LHCGR: variants seen among roughly 807,000 people sequenced by gnomAD.
LHCGR encodes luteinizing hormone/choriogonadotropin receptor.
Under a neutral mutation model 60.7 loss-of-function variants are expected in LHCGR, and 55 were observed. The ratio of observed to expected loss-of-function variants is 0.91; its 90% CI spans 0.73 to 1.13. The LOEUF is 1.13. Among genes scored for constraint, LHCGR ranks in the 50% most tolerant of loss-of-function variants. The pLI is 0.00. For synonymous variants in LHCGR, 337 were observed against 316.5 expected, an observed-to-expected ratio of 1.06 and a Z score of -0.69; for missense variants, 862 against 836.0, an observed-to-expected ratio of 1.03 and a Z score of -0.38.
At chr2:48,746,357 T>C (rs945428153) in intron 1 of LHCGR, among the ~76,000 whole-genome samples, 4 of 152,232 alleles carry the variant, frequency 2.6e-5, no homozygotes, top group African/African-American at 9.6e-5. Context: ...ATACTCTCAA[T>C]TGGTATCTTT....
chr2:48,723,474 T>C lies in LHCGR; in HGVS notation c.518A>G (p.Asn173Ser). 1 of 1,610,822 alleles carries C rather than the reference T, an allele frequency of 6.2e-7. No homozygotes were observed. The highest frequency in any genetic ancestry group is 1.1e-5 in the South Asian group (1 of 91,014). The change falls in exon 6 of 11, where the codon AAT becomes AGT. Residue 173 changes from asparagine to serine, a missense_variant. By Grantham distance (46) the Asn-to-Ser change is conservative. Coordinates refer to ENST00000294954, the MANE Select transcript of LHCGR (RefSeq NM_000233.4). Reference sequence around the variant, plus strand: ...TACTCACAGTGTTACAGATTCATTATTCATCCCTTGAAAAGCATTTCCTGG... The same window carrying C: ...TACTCACAGTGTTACAGATTCATTACTCATCCCTTGAAAAGCATTTCCTGG... ...TIPGNAFQGMNNESVTLKLYG... is the reference protein window; with the variant it reads ...TIPGNAFQGMSNESVTLKLYG...
chr2:48,706,802 A>C (rs964121390), intron 8 of LHCGR, among the ~76,000 whole-genome samples: 1 of 151,700 alleles, frequency 6.6e-6, no homozygotes, highest in Non-Finnish European at 1.5e-5. Context: ...ACCTTTTTTC[A>C]TGGTTTTTTA....
At chr2:48,731,481 G>GTCTTTA (rs1302068325) in intron 1 of LHCGR, among the ~76,000 whole-genome samples, 183 bp from the exon 2 acceptor site, 2 of 152,116 alleles carry the variant, frequency 1.3e-5, no homozygotes, top group African/African-American at 4.8e-5. Flanking sequence ...CTTATTCTTG[G>GTCTTTA]TCTTTATCAA....
In LHCGR at chr2:48,693,369, C is replaced by T. The variant is rs188966591; in HGVS notation, c.947+855G>A. ...TCTCAAAAGGGATAAATTTTGCCAG[C>T]GATACTCTGTTACAGGAAGGTTACT... On this transcript the variant is annotated intron_variant, in intron 10 of 10. Transcript: ENST00000294954. 1.2e-3 allele frequency among the ~76,000 whole-genome samples: 177 copies of T among 152,216 alleles called. 1 individual carries two copies. Among genetic ancestry groups the T allele is most frequent in the Non-Finnish European group, 1.0e-3 (70 of 68,010 alleles).
At chr2:48,752,150 T>C (rs1669984346) in intron 1 of LHCGR, among the ~76,000 whole-genome samples, 2 of 152,244 alleles carry the variant, frequency 1.3e-5, no homozygotes, top group African/African-American at 4.8e-5. Flanking sequence ...AGATTTTAAA[T>C]ACCTATGTTT....
At chr2:48,725,850 C>T (rs1400577073) in intron 3 of LHCGR, 100 bp from the exon 4 acceptor site, 1 of 963,852 alleles carries the variant, frequency 1.0e-6, no homozygotes, top group Non-Finnish European at 1.6e-6. Flanking sequence ...CTGAAAATGG[C>T]ATCAGCAAAA....
intron 6 of LHCGR, among the ~76,000 whole-genome samples, chr2:48,719,682 G>A (rs151293534): frequency 3.3e-5 from 5 of 152,270 alleles, no homozygotes; most frequent in African/African-American, 9.6e-5. Flanking sequence ...GCCCCACTGA[G>A]TTTCTCCAGC....
At chr2:48,689,090 T>C (rs542867941) in intron 10 of LHCGR, among the ~76,000 whole-genome samples, 6 of 151,342 alleles carry the variant, frequency 4.0e-5, no homozygotes, top group Non-Finnish European at 7.4e-5. Flanking sequence ...TATACACACA[T>C]ATATATACAT....
chr2:48,709,072 C>T, intron 7 of LHCGR, 50 bp from the exon 8 acceptor site: 1 of 1,406,792 alleles, frequency 7.1e-7, no homozygotes, highest in Non-Finnish European at 1.0e-6. Flanking sequence ...CATGTGTAAG[C>T]ATTCGTAGCT....
intron 4 of LHCGR, among the ~76,000 whole-genome samples, chr2:48,724,719 C>G (rs1022636387): frequency 3.3e-5 from 5 of 152,162 alleles, no homozygotes; most frequent in African/African-American, 1.2e-4. Context: ...GTAGTTGATG[C>G]TACCGTATGC....
chr2:48,749,879 G>A (rs1488743916), intron 1 of LHCGR, among the ~76,000 whole-genome samples: 2 of 152,060 alleles, frequency 1.3e-5, no homozygotes, highest in Non-Finnish European at 2.9e-5. Flanking sequence ...GTCTTGCTAG[G>A]GGCTATCATT....
chr2:48,702,698 T>C (rs1054121363), intron 8 of LHCGR, among the ~76,000 whole-genome samples: 1 of 152,230 alleles, frequency 6.6e-6, no homozygotes, highest in African/African-American at 2.4e-5. Flanking sequence ...GTCTTTGCTA[T>C]TGTGAATAGT....
At chr2:48,689,904 C>T (rs146842023) in intron 10 of LHCGR, among the ~76,000 whole-genome samples, 90 of 152,164 alleles carry the variant, frequency 5.9e-4, no homozygotes, top group African/African-American at 2.1e-3. Flanking sequence ...TTAGTAGAAA[C>T]GGGGTTTCAC....
chr2:48,727,302 G>C (rs1572869775), intron 3 of LHCGR, among the ~76,000 whole-genome samples: 2 of 152,030 alleles, frequency 1.3e-5, no homozygotes, highest in African/African-American at 4.8e-5. Flanking sequence ...GAATTTTGGG[G>C]CCTGACCTTA....
At chr2:48,729,333 T>G in intron 2 of LHCGR, 106 bp from the exon 3 acceptor site, 2 of 862,448 alleles carry the variant, frequency 2.3e-6, no homozygotes, top group East Asian at 4.9e-5. Context: ...GACACCACTG[T>G]GTCCCCCTGA....
rs148244033 is a variant in LHCGR at position 48,687,706 on chromosome 2, T to A, written c.2091A>T (p.Thr697=). Residue 697 remains threonine, a synonymous_variant, in exon 11 of 11, where the codon ACA becomes ACT. Transcript: ENST00000294954. ...GTTACTGATGTAACAGTTAACACTC[T>A]GTGTAGCGAGTCTTGTCTAGGAGAG... The part of the protein sequence containing the change: ...GTALLDKTRY[T]EC The A allele has an allele frequency of 8.1e-6, 13 of 1,613,048 alleles. No individual in the cohort carries two copies. The highest frequency in any genetic ancestry group is 1.1e-5 in the Non-Finnish European group (13 of 1,179,146).
chr2:48,723,613 G>T lies in LHCGR; in HGVS notation c.458+9C>A. On this transcript the variant is annotated intron_variant, in intron 5 of 10. Coordinates refer to ENST00000294954, the MANE Select transcript of LHCGR (RefSeq NM_000233.4). ...AACTGTTATGCATAGCAATCAGCCT[G>T]GTACTTACAGAATGAAATTTGATTC... The T allele has an allele frequency of 6.2e-7, 1 of 1,610,720 alleles. No individual in the cohort carries two copies. Among genetic ancestry groups the T allele is most frequent in the South Asian group, 1.1e-5 (1 of 91,026 alleles).
intron 1 of LHCGR, among the ~76,000 whole-genome samples, chr2:48,746,240 A>G (rs1429792265): frequency 6.6e-6 from 1 of 152,096 alleles, no homozygotes; most frequent in Non-Finnish European, 1.5e-5. Context: ...TTAGGAATTG[A>G]TTCTTCTGTT....
chr2:48,723,815 T>C, intron 4 of LHCGR, 119 bp from the exon 5 acceptor site: 1 of 764,628 alleles, frequency 1.3e-6, no homozygotes, highest in Non-Finnish European at 2.3e-6. Flanking sequence ...TCACATTAAA[T>C]TTAAAAATAT....
Sources: gnomAD v4.1 joint callset for allele counts (sites outside exome capture counted in the v4.1 genomes callset) on GRCh38, gnomAD v4.1.1 for gene constraint, MANE v1.5 for transcripts, NCBI Gene and HGNC (gene_info 2026-07-23, HGNC 2026-07-21) for gene names.